The following TMPRSS7 variants were observed in gnomAD, a reference collection of about 807,000 sequenced individuals.
TMPRSS7 encodes transmembrane protease serine 7.
TMPRSS7 carries 81 observed loss-of-function variants against 95.6 expected under a neutral mutation model. That is an observed-to-expected ratio of 0.85 (90% CI 0.71 to 1.02). TMPRSS7 has a LOEUF of 1.02. Among genes scored for constraint, TMPRSS7 ranks in the 50% least tolerant of loss-of-function variants. TMPRSS7 has a pLI of 0.00. For missense variants in TMPRSS7, 945 were observed against 955.2 expected, an observed-to-expected ratio of 0.99 and a Z score of 0.14; for synonymous variants, 364 against 337.8, an observed-to-expected ratio of 1.08 and a Z score of -0.85.
exon 11 of TMPRSS7, chr3:112,061,802 C>T (rs952583569): frequency 1.2e-6 from 2 of 1,609,140 alleles, no homozygotes; most frequent in Admixed American, 1.7e-5. Context: ...GTGGCTCCTA[C>T]ATGGATCATC....
At chr3:112,045,563 C>T (rs369184817) in intron 4 of TMPRSS7, among the ~76,000 whole-genome samples, 187 bp from the exon 5 acceptor site, 2 of 152,338 alleles carry the variant, frequency 1.3e-5, no homozygotes, top group East Asian at 3.9e-4. Flanking sequence ...ACACTATGGT[C>T]TGAATACATA....
At chr3:112,056,443 A>C (rs997591908) in intron 9 of TMPRSS7, among the ~76,000 whole-genome samples, 35 of 152,172 alleles carry the variant, frequency 2.3e-4, no homozygotes, top group Admixed American at 7.2e-4. Context: ...CACAAAATGC[A>C]ACAAAAAAGT....
rs769381998 is a variant in TMPRSS7 at position 112,045,805 on chromosome 3, C to T, written c.553C>T (p.Arg185Cys). 13 of 1,551,500 alleles carry T rather than the reference C, an allele frequency of 8.4e-6. No individual in the cohort carries two copies. Among genetic ancestry groups the T allele is most frequent in the East Asian group, 2.4e-5 (1 of 40,926 alleles). ...CTTTTGGATTGTTTTTGTCATGCCA[C>T]GTGCCAAAGGCCACATCTTCTGTGA... The change falls in exon 5 of 18, where the codon CGT (arginine) becomes TGT (cysteine). Residue 185 changes from arginine to cysteine, a missense_variant. By Grantham distance (180) the Arg-to-Cys change is radical. Coordinates refer to ENST00000452346, the Ensembl canonical transcript of TMPRSS7.
chr3:112,047,991 G>T, intron 7 of TMPRSS7, 24 bp downstream of exon 7: 1 of 1,595,680 alleles, frequency 6.3e-7, no homozygotes, highest in Non-Finnish European at 8.6e-7. Flanking sequence ...ACTCTTCTTG[G>T]TGGGTAAAAA....
At chr3:112,080,562 CTACTACTATT>C (rs2073766673) in intron 17 of TMPRSS7, among the ~76,000 whole-genome samples, 7 of 80,510 alleles carry the variant, frequency 8.7e-5, no homozygotes, top group East Asian at 5.5e-4. Context: ...ACTACTACTA[CTACTACTATT>C]ACCACCACCA....
At chr3:112,044,042 A>G (rs1018299453) in intron 3 of TMPRSS7, among the ~76,000 whole-genome samples, 3 of 152,250 alleles carry the variant, frequency 2.0e-5, no homozygotes, top group Non-Finnish European at 4.4e-5. Context: ...GATTTTTCAC[A>G]GATAGCAGAA....
At chr3:112,075,414 T>C (rs2073699914) in exon 15 of TMPRSS7, 3 of 1,554,140 alleles carry the variant, frequency 1.9e-6, no homozygotes, top group East Asian at 5.1e-5. Context: ...CTCCACTTTG[T>C]TGGATCTGCC....
intron 9 of TMPRSS7, among the ~76,000 whole-genome samples, chr3:112,056,116 A>G (rs900182905): frequency 2.6e-5 from 4 of 152,200 alleles, no homozygotes; most frequent in Admixed American, 2.6e-4. Context: ...TTCATTCATG[A>G]CAGAGATAGT....
chr3:112,068,546 T>C (rs2073604530), intron 13 of TMPRSS7, among the ~76,000 whole-genome samples: 1 of 152,214 alleles, frequency 6.6e-6, no homozygotes, highest in Admixed American at 6.5e-5. Flanking sequence ...TCACATCCCT[T>C]GTAAGCTGGA....
exon 15 of TMPRSS7, chr3:112,075,428 T>A: frequency 6.4e-7 from 1 of 1,553,860 alleles, no homozygotes; most frequent in South Asian, 1.2e-5. Flanking sequence ...ATCTGCCTAC[T>A]GTGGTGCCTC....
intron 8 of TMPRSS7, 146 bp from the exon 9 acceptor site, chr3:112,050,525 A>AAAAAAAAAAAAAC (rs1393713454): frequency 2.1e-5 from 7 of 341,432 alleles, no homozygotes; most frequent in Non-Finnish European, 3.8e-5. Context: ...TTCTTCTGAA[A>AAAAAAAAAAAAAC]AAAAAAAAAA....
At chr3:112,079,537 A>T (rs1229574621) in intron 17 of TMPRSS7, among the ~76,000 whole-genome samples, 2 of 151,822 alleles carry the variant, frequency 1.3e-5, no homozygotes, top group Non-Finnish European at 1.5e-5. Context: ...TTTTTTTGCA[A>T]TTTTTTTTAG....
In TMPRSS7 at chr3:112,042,524, C is replaced by T. The variant is rs577658296; in HGVS notation, c.429+474C>T. 2.4e-4 allele frequency among the ~76,000 whole-genome samples: 36 copies of T among 152,272 alleles called. 1 individual carries two copies. The South Asian group carries it at 7.5e-3, about 32-fold the overall frequency. On this transcript the variant is annotated intron_variant, in intron 3 of 17. Transcript: ENST00000452346. The stretch of plus-strand genomic sequence containing the variant: ...ATTATGTTTTAAAAACTAACATCTT[C>T]TTTAATGTCATCACCGGAGACAAAG...
At chr3:112,051,525 A>G (rs1287958144) in intron 9 of TMPRSS7, among the ~76,000 whole-genome samples, 1 of 133,546 alleles carries the variant, frequency 7.5e-6, no homozygotes, top group South Asian at 2.3e-4. Flanking sequence ...ATATCTATCT[A>G]TCTATCTATC....
At chr3:112,080,108 T>C (rs2073759937) in intron 17 of TMPRSS7, among the ~76,000 whole-genome samples, 1 of 152,216 alleles carries the variant, frequency 6.6e-6, no homozygotes, top group African/African-American at 2.4e-5. Flanking sequence ...GATCATAATT[T>C]GGATACATGG....
At chr3:112,079,317 C>A (rs2073750350) in intron 17 of TMPRSS7, among the ~76,000 whole-genome samples, 1 of 152,144 alleles carries the variant, frequency 6.6e-6, no homozygotes, top group Non-Finnish European at 1.5e-5. Context: ...AGGCCCCTGG[C>A]AGTGGTAAAG....
At position 112,066,288 on chromosome 3, in the gene TMPRSS7, G is replaced by T; in HGVS notation, c.1556-104G>T. 3.3e-6 allele frequency: 3 copies of T among 910,956 alleles called. No individual in the cohort carries two copies. In the Admixed American group the frequency reaches 6.3e-5, roughly 19 times the overall value. 56.4% of individuals were successfully genotyped at this position (910,956 alleles called of 1,614,324 possible). A position where few individuals can be genotyped will look rare whatever the true frequency, so the allele number is the denominator to read the frequency against. ...AGGAAAATACACTTTTTGTTTTATA[G>T]GTCATCCTAATGATTTGTACCTTGA... On this transcript the variant is annotated intron_variant, in intron 12 of 17. Coordinates refer to ENST00000452346, the Ensembl canonical transcript of TMPRSS7.
exon 13 of TMPRSS7, chr3:112,066,454 G>A: frequency 6.2e-7 from 1 of 1,614,020 alleles, no homozygotes; most frequent in Non-Finnish European, 8.5e-7. Context: ...CATCTGTGAT[G>A]GCTTCAGGGA....
chr3:112,044,638 A>G (rs1389033236), intron 4 of TMPRSS7, among the ~76,000 whole-genome samples: 1 of 152,188 alleles, frequency 6.6e-6, no homozygotes, highest in Admixed American at 6.5e-5. Flanking sequence ...AGCACAGACC[A>G]TGATTTCTTA....
Sources: allele counts gnomAD v4.1 joint callset (sites outside exome capture counted in the v4.1 genomes callset), GRCh38; gene constraint gnomAD v4.1.1; transcripts MANE v1.5; gene names NCBI Gene and HGNC (gene_info 2026-07-23, HGNC 2026-07-21).